Variants in TAFA2 observed in about 807,000 individuals in gnomAD.
TAFA2 encodes the protein chemokine-like protein TAFA-2.
A neutral mutation model predicts 18.8 loss-of-function variants in TAFA2; 7 were observed. The ratio of observed to expected loss-of-function variants is 0.37; its 90% CI spans 0.21 to 0.70. The LOEUF is 0.70. Among genes scored for constraint, TAFA2 ranks in the 30% least tolerant of loss-of-function variants. The pLI is 0.53. For synonymous variants in TAFA2, 60 were observed against 54.2 expected (o/e 1.11, Z -0.47); for missense variants, 122 against 158.1 (o/e 0.77, Z 1.23).
chr12:62,027,750 T>C (rs1239266848), intron 1 of TAFA2, among the ~76,000 whole-genome samples: 1 of 152,152 alleles, frequency 6.6e-6, no homozygotes, highest in Non-Finnish European at 1.5e-5. Context: ...GATGAGAAAC[T>C]AAAGTACACA....
intron 1 of TAFA2, among the ~76,000 whole-genome samples, chr12:62,055,575 C>T (rs928982332): frequency 1.9e-4 from 29 of 151,928 alleles, no homozygotes; most frequent in African/African-American, 6.8e-4. Context: ...TTGAAAAAAA[C>T]AGTAATGATT....
At chr12:61,948,258 G>A (rs1025323813) in intron 1 of TAFA2, among the ~76,000 whole-genome samples, 2 of 152,064 alleles carry the variant, frequency 1.3e-5, no homozygotes, top group Admixed American at 1.3e-4. Flanking sequence ...AGAGCAAAGA[G>A]GTTAAGTAAC....
chr12:62,104,482 C>G (rs937648400), intron 1 of TAFA2, among the ~76,000 whole-genome samples: 1 of 152,072 alleles, frequency 6.6e-6, no homozygotes, highest in Non-Finnish European at 1.5e-5. Context: ...AAAACAAAAT[C>G]TTTTCCCAAC....
At chr12:62,021,018 A>T (rs1349454670) in intron 1 of TAFA2, among the ~76,000 whole-genome samples, 2 of 152,214 alleles carry the variant, frequency 1.3e-5, no homozygotes, top group African/African-American at 4.8e-5. Context: ...ATATGGTAGC[A>T]GAGATAAGTA....
chr12:62,003,578 C>T (rs1446779272), intron 1 of TAFA2, among the ~76,000 whole-genome samples: 2 of 152,182 alleles, frequency 1.3e-5, no homozygotes, highest in African/African-American at 2.4e-5. Flanking sequence ...CAGCCTGGTA[C>T]TCCCAATCCT....
At chr12:61,851,801 A>AAAAAAAAAAAAAAAAAAC in intron 2 of TAFA2, among the ~76,000 whole-genome samples, 1 of 137,932 alleles carries the variant, frequency 7.2e-6, no homozygotes. Context: ...AAAAAAAAAA[A>AAAAAAAAAAAAAAAAAAC]AAAAAAAAAA....
intron 1 of TAFA2, among the ~76,000 whole-genome samples, chr12:62,133,855 GGC>G (rs2136898108): frequency 6.6e-6 from 1 of 152,118 alleles, no homozygotes; most frequent in African/African-American, 2.4e-5. Flanking sequence ...CTAGCTTCGT[GGC>G]TTTGCCATTT....
At chr12:61,726,480 TA>T (rs1225246579) in intron 4 of TAFA2, among the ~76,000 whole-genome samples, 3 of 152,084 alleles carry the variant, frequency 2.0e-5, no homozygotes, top group Non-Finnish European at 2.9e-5. Flanking sequence ...CTAGGTATTT[TA>T]TTTTTTGTGC....
chr12:61,838,630 A>C (rs1388065155), intron 2 of TAFA2, among the ~76,000 whole-genome samples: 2 of 152,020 alleles, frequency 1.3e-5, no homozygotes, highest in East Asian at 1.9e-4. Context: ...CATCCTACTG[A>C]AGCACAAAGA....
intron 1 of TAFA2, among the ~76,000 whole-genome samples, chr12:62,221,901 AG>A (rs1017739417): frequency 6.6e-6 from 1 of 152,172 alleles, no homozygotes; most frequent in African/African-American, 2.4e-5. Context: ...AAGCTTAAAG[AG>A]GGGAGAATAT....
intron 2 of TAFA2, among the ~76,000 whole-genome samples, chr12:61,836,124 G>A (rs1194484088): frequency 6.6e-6 from 1 of 151,882 alleles, no homozygotes; most frequent in Non-Finnish European, 1.5e-5. Flanking sequence ...GTTAAATTGT[G>A]TAGTTACCGA....
At chr12:62,192,991 G>C (rs2136963407), upstream of TAFA2, 1 of 152,338 alleles carries the variant, frequency 6.6e-6, no homozygotes, top group African/African-American at 2.4e-5. Context: ...CAAGGATTTA[G>C]ACGGAGGATT....
intron 1 of TAFA2, chr12:62,258,692 T>C (rs915891131): frequency 1.2e-5 from 4 of 320,778 alleles, no homozygotes; most frequent in Non-Finnish European, 2.5e-5. Flanking sequence ...GGTATTATTA[T>C]ACTCAATTTT....
chr12:61,986,593 C>G (rs1879827314), intron 1 of TAFA2, among the ~76,000 whole-genome samples: 1 of 151,874 alleles, frequency 6.6e-6, no homozygotes, highest in African/African-American at 2.4e-5. Context: ...GCCACCACAC[C>G]CGGTCCAAAC....
chr12:62,234,547 G>C (rs59903640), intron 1 of TAFA2: 1 of 847,340 alleles, frequency 1.2e-6, no homozygotes, highest in South Asian at 1.3e-5. Flanking sequence ...GTGTACCCAC[G>C]TATGTCATCT....
chr12:62,073,254 T>A (rs1266857541), intron 1 of TAFA2, among the ~76,000 whole-genome samples: 2 of 152,240 alleles, frequency 1.3e-5, no homozygotes, highest in Non-Finnish European at 2.9e-5. Flanking sequence ...TTTGGTATTG[T>A]TCCCTTCTGT....
At chr12:62,029,496 C>T (rs958853735) in intron 1 of TAFA2, among the ~76,000 whole-genome samples, 1 of 152,116 alleles carries the variant, frequency 6.6e-6, no homozygotes. Context: ...GTAAACAGCA[C>T]AGTATACAGT....
At chr12:61,998,306 T>A (rs1399132911) in intron 1 of TAFA2, among the ~76,000 whole-genome samples, 1 of 152,232 alleles carries the variant, frequency 6.6e-6, no homozygotes, top group Non-Finnish European at 1.5e-5. Flanking sequence ...ATTATATTTT[T>A]AAAATATTTC....
chr12:61,951,300 A>G (rs896316478), intron 1 of TAFA2, among the ~76,000 whole-genome samples: 2 of 152,324 alleles, frequency 1.3e-5, no homozygotes, highest in African/African-American at 4.8e-5. Context: ...CTGTGATTTT[A>G]CAGGCAAATA....
Sources: allele counts gnomAD v4.1 joint callset (sites outside exome capture counted in the v4.1 genomes callset), GRCh38; gene constraint gnomAD v4.1.1; transcripts MANE v1.5; gene names NCBI Gene and HGNC (gene_info 2026-07-23, HGNC 2026-07-21).